The following GIGYF2 variants were observed in gnomAD, a reference collection of about 807,000 sequenced individuals.
The protein encoded by GIGYF2 is GRB10 interacting GYF protein 2.
Under a neutral mutation model 208.1 loss-of-function variants are expected in GIGYF2, and 25 were observed. The observed-to-expected ratio is 0.12, with a 90% CI of 0.09 to 0.17. The LOEUF is 0.17. Among genes scored for constraint, GIGYF2 ranks in the 10% least tolerant of loss-of-function variants. The pLI is 1.00. For synonymous variants in GIGYF2, 534 were observed against 543.8 expected (o/e 0.98, Z 0.25); for missense variants, 1,302 against 1,579.4 (o/e 0.82, Z 2.98).
chr2:232,827,790 C>A (rs1027628770), intron 21 of GIGYF2, among the ~76,000 whole-genome samples: 1 of 152,262 alleles, frequency 6.6e-6, no homozygotes, highest in South Asian at 2.1e-4. Context: ...TTAAACCTTT[C>A]TTCCTTTTTA....
chr2:232,764,414 C>T (rs947096725), intron 8 of GIGYF2: 6 of 152,274 alleles, frequency 3.9e-5, no homozygotes, highest in African/African-American at 1.2e-4. Flanking sequence ...ATTGTGTTCA[C>T]TTCTGGGACC....
At chr2:232,777,997 A>G (rs1398533305) in intron 8 of GIGYF2, among the ~76,000 whole-genome samples, 1 of 151,964 alleles carries the variant, frequency 6.6e-6, no homozygotes, top group Non-Finnish European at 1.5e-5. Context: ...CCCAGGCTGG[A>G]GTGCAGTGGT....
Position 232,806,756 on chromosome 2 carries a change from G to A in GIGYF2, c.1806+99G>A, listed in dbSNP as rs113882788. 5.8e-6 allele frequency: 5 copies of A among 862,506 alleles called. No homozygotes were observed. In the African/African-American group the frequency reaches 6.6e-5, roughly 11 times the overall value. The allele number at this position is 862,506 out of a possible 1,614,324, so 53.4% of individuals were successfully genotyped here. On this transcript the variant is annotated intron_variant, in intron 15 of 28. Transcript: ENST00000373563. This position sits in a 1 kb window ranked among gnomAD's most constrained non-coding sequence, Gnocchi z 4.0. ...AAATATATCATCTAATGAAGGAATT[G>A]TAGTTCTTTGAAATTAATGGAAATG...
At chr2:232,706,568 A>G (rs1368844003) in intron 2 of GIGYF2, among the ~76,000 whole-genome samples, 1 of 152,180 alleles carries the variant, frequency 6.6e-6, no homozygotes, top group East Asian at 1.9e-4. Flanking sequence ...ACTTGAAGTC[A>G]GGAGTTTGAG....
At chr2:232,757,023 C>G (rs1170010053) in intron 6 of GIGYF2, among the ~76,000 whole-genome samples, 1 of 152,060 alleles carries the variant, frequency 6.6e-6, no homozygotes, top group Non-Finnish European at 1.5e-5. Context: ...GGTCTAAATA[C>G]ACCTTGTGAT....
chr2:232,751,360 G>A (rs568971042), intron 5 of GIGYF2, among the ~76,000 whole-genome samples: 7 of 152,050 alleles, frequency 4.6e-5, no homozygotes, highest in South Asian at 2.1e-4. Flanking sequence ...GATTACAGGC[G>A]TATACCAACA....
chr2:232,835,121 A>G (rs187813713), intron 22 of GIGYF2, among the ~76,000 whole-genome samples: 1 of 152,328 alleles, frequency 6.6e-6, no homozygotes, highest in East Asian at 1.9e-4. Flanking sequence ...TACCTTACTT[A>G]GGACAATAGC....
At chr2:232,711,311 G>A (rs2106256694) in intron 2 of GIGYF2, among the ~76,000 whole-genome samples, 1 of 149,422 alleles carries the variant, frequency 6.7e-6, no homozygotes, top group East Asian at 2.0e-4. Context: ...TGTTGCCCAG[G>A]CTTTGTCATT....
chr2:232,726,786 A>G (rs934112276), intron 2 of GIGYF2, among the ~76,000 whole-genome samples: 3 of 152,218 alleles, frequency 2.0e-5, no homozygotes, highest in Admixed American at 6.5e-5. Context: ...CTAGAGGACT[A>G]TCACTTAGGT....
At chr2:232,737,056 G>A (rs1221007152) in intron 3 of GIGYF2, among the ~76,000 whole-genome samples, 1 of 152,188 alleles carries the variant, frequency 6.6e-6, no homozygotes, top group Non-Finnish European at 1.5e-5. Context: ...AGACAGAGAC[G>A]TCCATTTGCT....
At chr2:232,750,757 G>GTGTA (rs1412673585) in intron 5 of GIGYF2, among the ~76,000 whole-genome samples, 3 of 151,368 alleles carry the variant, frequency 2.0e-5, no homozygotes, top group African/African-American at 7.3e-5. Flanking sequence ...GTGTGTGTGT[G>GTGTA]TGTATGTTTG....
chr2:232,794,374 A>T (rs910275569), intron 12 of GIGYF2, among the ~76,000 whole-genome samples: 3 of 152,174 alleles, frequency 2.0e-5, no homozygotes, highest in Non-Finnish European at 4.4e-5. Flanking sequence ...TTGATGAGAG[A>T]TGACATATCT....
chr2:232,850,716 A>G (rs1314722961), intron 28 of GIGYF2, among the ~76,000 whole-genome samples: 1 of 152,218 alleles, frequency 6.6e-6, no homozygotes, highest in Non-Finnish European at 1.5e-5. Context: ...TTGGAAAATG[A>G]TGCTAATAAT....
At chr2:232,741,269 C>T (rs916192744) in intron 3 of GIGYF2, among the ~76,000 whole-genome samples, 28 of 152,108 alleles carry the variant, frequency 1.8e-4, no homozygotes, top group Non-Finnish European at 3.7e-4. Flanking sequence ...CCTTTTACTT[C>T]TCTGTTCCTA....
chr2:232,824,192 A>G (rs748020164), intron 21 of GIGYF2, among the ~76,000 whole-genome samples: 5 of 152,166 alleles, frequency 3.3e-5, no homozygotes, highest in South Asian at 2.1e-4. Flanking sequence ...ATAACCTACA[A>G]TGGCCTCTAA....
intron 3 of GIGYF2, among the ~76,000 whole-genome samples, chr2:232,746,966 C>T (rs1698173013): frequency 6.6e-6 from 1 of 152,082 alleles, no homozygotes; most frequent in South Asian, 2.1e-4. Flanking sequence ...ATGTTTGTTT[C>T]TATGCTTTTG....
intron 12 of GIGYF2, among the ~76,000 whole-genome samples, chr2:232,793,254 T>C (rs1339120495): frequency 6.6e-6 from 1 of 152,198 alleles, no homozygotes; most frequent in African/African-American, 2.4e-5. Flanking sequence ...ATAGACTATC[T>C]TGTGATGACA....
Position 232,858,415 on chromosome 2 carries a change from C to A in GIGYF2, c.*1555C>A, listed in dbSNP as rs1241813783. ...TGTAATAACTATACAGAGACTGCTA[C>A]AAAATTGTATATAGTTTTTGGATCA... On this transcript the variant is annotated 3_prime_UTR_variant, in exon 29 of 29. Transcript: ENST00000373563. The A allele has an allele frequency of 4.5e-6, 2 of 446,666 alleles. No individual in the cohort carries two copies. The highest frequency in any genetic ancestry group is 4.5e-6 in the Non-Finnish European group (1 of 224,684). 27.7% of individuals were successfully genotyped at this position (446,666 alleles called of 1,614,324 possible). A position where few individuals can be genotyped will look rare whatever the true frequency, so the allele number is the denominator to read the frequency against.
At position 232,784,439 on chromosome 2, in the gene GIGYF2, G is replaced by T. The variant is rs1699839021; in HGVS notation, c.533-2711G>T. On this transcript the variant is annotated intron_variant, in intron 8 of 28. Transcript: ENST00000373563. ...GAGTCTTGCTCTGTCACCCAGGCTGGAGAGCAGTGGCGTGATCTGGGCTCA... is the reference window on the plus strand; with the variant it reads ...GAGTCTTGCTCTGTCACCCAGGCTGTAGAGCAGTGGCGTGATCTGGGCTCA... 3.1e-5 allele frequency among the ~76,000 whole-genome samples: 4 copies of T among 127,252 alleles called. No individual in the cohort carries two copies. The South Asian group carries it at 1.0e-3, about 33-fold the overall frequency. 83.5% of individuals were successfully genotyped at this position (127,252 alleles called of 152,430 possible). A position where few individuals can be genotyped will look rare whatever the true frequency, so the allele number is the denominator to read the frequency against.
Sources: allele counts gnomAD v4.1 joint callset (sites outside exome capture counted in the v4.1 genomes callset), GRCh38; gene constraint gnomAD v4.1.1; non-coding constraint Gnocchi (gnomAD v3.1); transcripts MANE v1.5; gene names NCBI Gene and HGNC (gene_info 2026-07-23, HGNC 2026-07-21).